UGT1A3: variants seen among roughly 807,000 people sequenced by gnomAD.
The protein encoded by UGT1A3 is UDP-glucuronosyltransferase 1A3.
UGT1A3 carries 31 observed loss-of-function variants against 41.0 expected under a neutral mutation model. The ratio of observed to expected loss-of-function variants is 0.76; its 90% CI spans 0.57 to 1.02. UGT1A3 has a LOEUF of 1.02. Among genes scored for constraint, UGT1A3 ranks in the 50% least tolerant of loss-of-function variants. The probability of loss-of-function intolerance (pLI) is 0.00; values close to 1 mark genes in which losing one functional copy is unlikely to be tolerated. For synonymous variants in UGT1A3, 262 were observed against 257.6 expected, an observed-to-expected ratio of 1.02 and a Z score of -0.17; for missense variants, 737 against 671.0, an observed-to-expected ratio of 1.10 and a Z score of -1.09.
intron 1 of UGT1A3, among the ~76,000 whole-genome samples, chr2:233,745,098 AT>A (rs960304427): frequency 6.6e-6 from 1 of 151,758 alleles, no homozygotes; most frequent in African/African-American, 2.4e-5. Flanking sequence ...CCCCCCAAAT[AT>A]TTTTAATCTG....
intron 1 of UGT1A3, chr2:233,747,636 A>C: frequency 3.8e-6 from 6 of 1,581,726 alleles, no homozygotes; most frequent in East Asian, 2.2e-5. Context: ...CAGGCACCTG[A>C]ATGCTACTTC....
At position 233,769,594 on chromosome 2, in the gene UGT1A3, G is replaced by T; in HGVS notation, c.1307+1155G>T. 1 of 1,612,864 alleles carries T rather than the reference G, an allele frequency of 6.2e-7. No homozygotes were observed. Among genetic ancestry groups the T allele is most frequent in the South Asian group, 1.1e-5 (1 of 91,060 alleles). ...GAGCATGTTCAGATGAGAGGAGACG[G>T]AACACGGGGACACACCAGCTTGAGC... On this transcript the variant is annotated intron_variant, in intron 4 of 4. Coordinates refer to ENST00000482026, the MANE Select transcript of UGT1A3 (RefSeq NM_019093.4). This position sits in a 1 kb window ranked among gnomAD's most constrained non-coding sequence, Gnocchi z 4.4.
chr2:233,771,891 A>G (rs1700404574), intron 4 of UGT1A3, among the ~76,000 whole-genome samples: 1 of 145,462 alleles, frequency 6.9e-6, no homozygotes, highest in Admixed American at 7.2e-5. Context: ...TTTCTTAATT[A>G]TAACCTTTCA....
chr2:233,741,211 A>G (rs764528916), intron 1 of UGT1A3, among the ~76,000 whole-genome samples: 2 of 151,912 alleles, frequency 1.3e-5, no homozygotes, highest in African/African-American at 2.4e-5. Flanking sequence ...AACTAGCCAG[A>G]GTTGTTACAG....
rs753857882 is a variant in UGT1A3, at chr2:233,750,179, ATGT to A, written c.868-16851_868-16849del. ...AATGGTTTTGACCAAAATGCTGATA[ATGT>A]TGTGGACAATGAAGTCCAGGCTGAG... On this transcript the variant is annotated intron_variant, in intron 1 of 4. Transcript: ENST00000482026. Among the ~76,000 whole-genome samples, 2 of 151,978 alleles carry A rather than the reference ATGT, an allele frequency of 1.3e-5. 1 individual carries two copies. The highest frequency in any genetic ancestry group is 6.8e-3 in the Middle Eastern group (2 of 294).
In UGT1A3 at chr2:233,772,609, C is replaced by T; in HGVS notation, c.*50C>T. On this transcript the variant is annotated 3_prime_UTR_variant, in exon 5 of 5. Transcript: ENST00000482026. The stretch of plus-strand genomic sequence containing the variant: ...ATTTTGAACCATTCCCTAGTCATTT[C>T]CAAACTTGAAAACAGAATCAGTGTT... 1 of 1,581,700 alleles carries T rather than the reference C, an allele frequency of 6.3e-7. No homozygotes were observed. Among genetic ancestry groups the T allele is most frequent in the Non-Finnish European group, 8.6e-7 (1 of 1,163,020 alleles).
intron 1 of UGT1A3, chr2:233,755,445 C>T (rs953551785): frequency 7.1e-5 from 22 of 311,136 alleles, no homozygotes; most frequent in South Asian, 1.2e-4. Flanking sequence ...ATGCAGTGCT[C>T]CTGGGACTGG....
intron 1 of UGT1A3, among the ~76,000 whole-genome samples, chr2:233,759,862 C>CG (rs1187070955): frequency 6.6e-6 from 1 of 152,064 alleles, no homozygotes; most frequent in African/African-American, 2.4e-5. Context: ...ATGGCGAAAG[C>CG]GGGGGTACAG....
At chr2:233,759,599 A>ACC (rs1553620419) in intron 1 of UGT1A3, among the ~76,000 whole-genome samples, 7 of 108,662 alleles carry the variant, frequency 6.4e-5, no homozygotes, top group Admixed American at 1.0e-4. Context: ...CCCACCCCCG[A>ACC]CCCGCCCCAC....
rs367682058 is a variant in UGT1A3, at chr2:233,743,655, C to T, written c.867+13662C>T. The T allele has an allele frequency of 6.6e-6, 9 of 1,367,176 alleles. No homozygotes were observed. In the East Asian group the frequency reaches 3.2e-4, roughly 48 times the overall value. The allele number at this position is 1,367,176 out of a possible 1,614,324, so 84.7% of individuals were successfully genotyped here. ...GGGTCGCGGAAGCTGAAGACGTACT[C>T]GAAGGGGTCCTCGAAGGGCCTGCCG... On this transcript the variant is annotated intron_variant, in intron 1 of 4. Coordinates refer to ENST00000482026, the MANE Select transcript of UGT1A3 (RefSeq NM_019093.4).
intron 1 of UGT1A3, among the ~76,000 whole-genome samples, chr2:233,765,411 G>A (rs1367476072): frequency 6.6e-6 from 1 of 152,138 alleles, no homozygotes; most frequent in East Asian, 1.9e-4. Flanking sequence ...ATACACCATG[G>A]AATACTATGC....
intron 1 of UGT1A3, among the ~76,000 whole-genome samples, chr2:233,751,775 T>C (rs1694807699): frequency 1.3e-5 from 2 of 152,228 alleles, no homozygotes; most frequent in Non-Finnish European, 2.9e-5. Context: ...ATGACTTTGC[T>C]TATCTCTCAC....
chr2:233,758,615 C>CA (rs1696924799), intron 1 of UGT1A3, among the ~76,000 whole-genome samples: 1 of 152,110 alleles, frequency 6.6e-6, no homozygotes, highest in Non-Finnish European at 1.5e-5. Flanking sequence ...TGTGCATGTG[C>CA]ATGCAAAGTA....
chr2:233,733,211 G>A (rs2078366147), intron 1 of UGT1A3, among the ~76,000 whole-genome samples: 1 of 152,200 alleles, frequency 6.6e-6, no homozygotes, highest in Non-Finnish European at 1.5e-5. Flanking sequence ...ACTTTGGGCT[G>A]AGACAATGGG....
intron 1 of UGT1A3, chr2:233,761,293 G>T (rs1697736724): frequency 6.6e-7 from 1 of 1,522,496 alleles, no homozygotes; most frequent in African/African-American, 1.4e-5. Context: ...TTGACTCCTA[G>T]GTTTGAGTCT....
In UGT1A3 at chr2:233,755,313, G is replaced by A. The variant is rs565914238; in HGVS notation, c.868-11721G>A. 9.1e-5 allele frequency: 50 copies of A among 549,068 alleles called. 1 individual carries two copies. The highest frequency in any genetic ancestry group is 7.5e-4 in the South Asian group (41 of 54,588). The allele number at this position is 549,068 out of a possible 1,614,324, so 34.0% of individuals were successfully genotyped here. On this transcript the variant is annotated intron_variant, in intron 1 of 4. Transcript: ENST00000482026. Reference sequence around the variant, plus strand: ...CTGCGGGGCACTGGCACAGCGAGCGGCAAGGCTGCCAGCACCCGCGCACAG... The same window carrying A: ...CTGCGGGGCACTGGCACAGCGAGCGACAAGGCTGCCAGCACCCGCGCACAG...
intron 1 of UGT1A3, chr2:233,748,062 A>T: frequency 6.2e-7 from 1 of 1,613,436 alleles, no homozygotes; most frequent in South Asian, 1.1e-5. Context: ...CTGTGCCAAC[A>T]GGAAGCCACT....
intron 1 of UGT1A3, among the ~76,000 whole-genome samples, chr2:233,759,295 C>T (rs939661689): frequency 1.3e-5 from 2 of 152,106 alleles, no homozygotes; most frequent in Non-Finnish European, 2.9e-5. Context: ...GAAGCTGAGC[C>T]CTGAGTGGCT....
chr2:233,750,586 G>A (rs1377079508), intron 1 of UGT1A3: 2 of 151,926 alleles, frequency 1.3e-5, no homozygotes, highest in East Asian at 3.9e-4. Flanking sequence ...CAGGCCTGGA[G>A]GCCTAGGAAG....
Sources: allele counts gnomAD v4.1 joint callset (sites outside exome capture counted in the v4.1 genomes callset), GRCh38; gene constraint gnomAD v4.1.1; non-coding constraint Gnocchi (gnomAD v3.1); transcripts MANE v1.5; gene names NCBI Gene and HGNC (gene_info 2026-07-23, HGNC 2026-07-21).